Variants in CLASP1 observed in about 807,000 individuals in gnomAD.
CLASP1 encodes CLIP-associating protein 1.
A neutral mutation model predicts 192.3 loss-of-function variants in CLASP1; 38 were observed. The ratio of observed to expected loss-of-function variants is 0.20; its 90% CI spans 0.15 to 0.26. The LOEUF (loss-of-function observed/expected upper bound fraction) is 0.26. Among genes scored for constraint, CLASP1 ranks in the 10% least tolerant of loss-of-function variants. CLASP1 has a pLI of 1.00. For synonymous variants in CLASP1, 691 were observed against 712.8 expected (o/e 0.97, Z 0.49); for missense variants, 1,433 against 1,932.5 (o/e 0.74, Z 4.85).
At chr2:121,516,755 G>A (rs947872522) in intron 6 of CLASP1, among the ~76,000 whole-genome samples, 1 of 152,226 alleles carries the variant, frequency 6.6e-6, no homozygotes, top group Admixed American at 6.5e-5. Flanking sequence ...TAAGCCGGGC[G>A]TGGTGGCTCA....
At chr2:121,521,257 A>T (rs1043525190) in intron 6 of CLASP1, among the ~76,000 whole-genome samples, 3 of 152,210 alleles carry the variant, frequency 2.0e-5, no homozygotes, top group African/African-American at 7.2e-5. Flanking sequence ...GACAAAACTG[A>T]ACTGGCCTTG....
chr2:121,348,253 A>G (rs1011931972), intron 38 of CLASP1, among the ~76,000 whole-genome samples: 3 of 152,170 alleles, frequency 2.0e-5, no homozygotes, highest in Non-Finnish European at 4.4e-5. Context: ...CAAAAAAATG[A>G]TCAAAGTATG....
chr2:121,385,599 A>G (rs1206454084), intron 32 of CLASP1, among the ~76,000 whole-genome samples: 1 of 152,244 alleles, frequency 6.6e-6, no homozygotes, highest in Non-Finnish European at 1.5e-5. Context: ...TACTTAGATT[A>G]GTCCAAATAA....
chr2:121,428,007 T>G (rs2080742406), intron 20 of CLASP1, among the ~76,000 whole-genome samples: 1 of 152,240 alleles, frequency 6.6e-6, no homozygotes, highest in Non-Finnish European at 1.5e-5. Context: ...ATTTAATTTA[T>G]ATGCATAAGC....
chr2:121,646,808 C>T (rs563396100), intron 1 of CLASP1, among the ~76,000 whole-genome samples: 1 of 151,976 alleles, frequency 6.6e-6, no homozygotes, highest in African/African-American at 2.4e-5. Flanking sequence ...GAGGCTGAGG[C>T]AGGCGGATCA....
In CLASP1 at chr2:121,530,922, A is replaced by G. The variant is rs553096682; in HGVS notation, c.196-597T>C. On this transcript the variant is annotated intron_variant, in intron 2 of 39. Coordinates refer to ENST00000263710, the Ensembl canonical transcript of CLASP1. ...GGTTGCGCTACTGTCCAATGAGCGC[A>G]TAGTGAGGGCAGTACTGCTAACGCC... is the stretch of plus-strand genomic sequence containing the variant. 386 of 699,950 alleles carry G rather than the reference A, an allele frequency of 5.5e-4. 2 individuals carry two copies. The East Asian group carries it at 7.5e-3, about 14-fold the overall frequency. The allele number at this position is 699,950 out of a possible 1,614,324, so 43.4% of individuals were successfully genotyped here.
intron 2 of CLASP1, among the ~76,000 whole-genome samples, chr2:121,533,091 T>C (rs1237078431): frequency 6.6e-6 from 1 of 152,112 alleles, no homozygotes; most frequent in East Asian, 1.9e-4. Flanking sequence ...AGGATGGCAG[T>C]TTACTTGGTA....
intron 2 of CLASP1, among the ~76,000 whole-genome samples, chr2:121,535,497 G>GA (rs1455658415): frequency 6.6e-6 from 1 of 151,484 alleles, no homozygotes. Flanking sequence ...TAAGTCTGCA[G>GA]AAAAAATCCA....
chr2:121,454,148 G>A (rs1005806859), intron 14 of CLASP1, among the ~76,000 whole-genome samples: 2 of 132,034 alleles, frequency 1.5e-5, no homozygotes, highest in African/African-American at 5.7e-5. Flanking sequence ...TTATCTCCCT[G>A]CCCACCCCCC....
At chr2:121,474,980 C>T (rs1337956984) in intron 8 of CLASP1, among the ~76,000 whole-genome samples, 2 of 152,128 alleles carry the variant, frequency 1.3e-5, no homozygotes, top group Non-Finnish European at 2.9e-5. Context: ...ATAGAAACTA[C>T]GAAAAGCAAA....
chr2:121,552,403 C>T (rs1049449000), intron 2 of CLASP1, among the ~76,000 whole-genome samples: 1 of 152,166 alleles, frequency 6.6e-6, no homozygotes, highest in East Asian at 1.9e-4. Flanking sequence ...AGTAAATAGA[C>T]AACCTACAGA....
chr2:121,385,779 G>A (rs1207831438), intron 32 of CLASP1, among the ~76,000 whole-genome samples: 1 of 152,130 alleles, frequency 6.6e-6, no homozygotes, highest in Admixed American at 6.6e-5. Flanking sequence ...GAAAATTCAA[G>A]TTTTCCATAT....
chr2:121,367,783 C>A (rs756909067), exon 35 of CLASP1: 7 of 1,613,818 alleles, frequency 4.3e-6, no homozygotes, highest in South Asian at 3.3e-5. Context: ...ACTTCACTAC[C>A]CCCCCGGCCC....
At chr2:121,470,741 T>C (rs1335754930) in intron 8 of CLASP1, 2 of 404,850 alleles carry the variant, frequency 4.9e-6, no homozygotes, top group East Asian at 7.4e-5. Flanking sequence ...GTTCTTGATG[T>C]ATAGTGCCAA....
At chr2:121,580,099 C>G (rs1301113981) in intron 2 of CLASP1, among the ~76,000 whole-genome samples, 3 of 152,186 alleles carry the variant, frequency 2.0e-5, no homozygotes, top group East Asian at 3.8e-4. Flanking sequence ...CTGATCCTAA[C>G]TGTAATATTG....
intron 37 of CLASP1, among the ~76,000 whole-genome samples, chr2:121,356,752 G>A (rs578140647): frequency 5.1e-4 from 77 of 152,290 alleles, no homozygotes; most frequent in Non-Finnish European, 8.4e-4. Flanking sequence ...CCTCTAACAA[G>A]ACAGTCATCA....
intron 9 of CLASP1, among the ~76,000 whole-genome samples, chr2:121,464,799 C>T (rs1003980577): frequency 1.3e-5 from 2 of 152,016 alleles, no homozygotes; most frequent in African/African-American, 4.8e-5. Context: ...TTGTAGGTTG[C>T]CTGTTCACGC....
chr2:121,542,559 A>G (rs182226836), intron 2 of CLASP1, among the ~76,000 whole-genome samples: 33 of 152,366 alleles, frequency 2.2e-4, no homozygotes, highest in Admixed American at 8.5e-4. Context: ...AGAAGTAGTT[A>G]CTGTTACCCA....
intron 19 of CLASP1, among the ~76,000 whole-genome samples, chr2:121,441,795 C>T (rs1173661537): frequency 6.6e-6 from 1 of 151,938 alleles, no homozygotes; most frequent in Non-Finnish European, 1.5e-5. Flanking sequence ...AGAAGCTTAA[C>T]ACCCTTTTAC....
Sources: gnomAD v4.1 joint callset for allele counts (sites outside exome capture counted in the v4.1 genomes callset) on GRCh38, gnomAD v4.1.1 for gene constraint, MANE v1.5 for transcripts, NCBI Gene and HGNC (gene_info 2026-07-23, HGNC 2026-07-21) for gene names.